Variants in STAB2 observed in about 807,000 individuals in gnomAD.
STAB2 encodes stabilin 2, also known as stabilin-2.
Under a neutral mutation model 338.1 loss-of-function variants are expected in STAB2, and 288 were observed. The observed-to-expected ratio is 0.85, with a 90% CI of 0.77 to 0.94. The LOEUF is 0.94. STAB2 is among the 40% of genes least tolerant of loss of function. STAB2 has a pLI of 0.00. For synonymous variants in STAB2, 1,202 were observed against 1,193.3 expected (o/e 1.01, Z -0.15); for missense variants, 3,141 against 3,210.1 (o/e 0.98, Z 0.52).
chr12:103,669,671 A>C (rs1332394609), intron 21 of STAB2, 44 bp downstream of exon 21: 1 of 1,568,350 alleles, frequency 6.4e-7, no homozygotes, highest in South Asian at 1.1e-5. Flanking sequence ...ATCAAACAAT[A>C]ATTTTTAGAA....
intron 39 of STAB2, chr12:103,711,210 G>A (rs1481899261): frequency 2.0e-6 from 1 of 494,224 alleles, no homozygotes; most frequent in East Asian, 3.4e-5. Flanking sequence ...AGAATTCTGT[G>A]TTTTATTCAC....
At chr12:103,722,684 A>G (rs1880858157) in intron 44 of STAB2, among the ~76,000 whole-genome samples, 1 of 152,206 alleles carries the variant, frequency 6.6e-6, no homozygotes. Flanking sequence ...GAGTCAACTC[A>G]TGGTCAGTCT....
At chr12:103,605,847 A>G (rs1957020484) in intron 3 of STAB2, among the ~76,000 whole-genome samples, 1 of 151,982 alleles carries the variant, frequency 6.6e-6, no homozygotes, top group Admixed American at 6.5e-5. Context: ...ACATAATTGT[A>G]TATTTAAAAT....
intron 41 of STAB2, 63 bp from the exon 42 acceptor site, chr12:103,713,580 G>A (rs1481807786): frequency 1.3e-6 from 2 of 1,597,290 alleles, no homozygotes; most frequent in Non-Finnish European, 1.7e-6. Flanking sequence ...ATGACTTGAG[G>A]AAAAATACAT....
At chr12:103,721,698 C>T (rs966104556) in intron 44 of STAB2, among the ~76,000 whole-genome samples, 2 of 152,108 alleles carry the variant, frequency 1.3e-5, no homozygotes, top group East Asian at 1.9e-4. Flanking sequence ...AATAAGAAGT[C>T]GCTTGGGCCA....
chr12:103,754,407 C>T (rs936592644), intron 61 of STAB2, among the ~76,000 whole-genome samples: 28 of 152,126 alleles, frequency 1.8e-4, no homozygotes, highest in Admixed American at 2.6e-4. Context: ...GAGCAAGTTA[C>T]TTCTCTTTGC....
intron 56 of STAB2, among the ~76,000 whole-genome samples, chr12:103,744,317 A>AT (rs967793356): frequency 4.0e-5 from 6 of 151,872 alleles, no homozygotes; most frequent in Admixed American, 2.6e-4. Flanking sequence ...ATAATTTTTT[A>AT]TTTTTTAAAT....
At chr12:103,668,778 G>C in intron 20 of STAB2, 49 bp downstream of exon 20, 2 of 1,474,422 alleles carry the variant, frequency 1.4e-6, no homozygotes, top group South Asian at 1.3e-5. Flanking sequence ...GGGCCAGGCA[G>C]CTCCAGGGCC....
At chr12:103,734,377 A>G (rs1472058664) in intron 51 of STAB2, among the ~76,000 whole-genome samples, 1 of 151,214 alleles carries the variant, frequency 6.6e-6, no homozygotes, top group Non-Finnish European at 1.5e-5. Context: ...AAGAGCGATC[A>G]TATAGGAGCA....
At chr12:103,740,336 C>T (rs756094400) in intron 54 of STAB2, among the ~76,000 whole-genome samples, 1 of 152,138 alleles carries the variant, frequency 6.6e-6, no homozygotes, top group Non-Finnish European at 1.5e-5. Flanking sequence ...CTTCCCACTC[C>T]CTCCCCAGGC....
intron 27 of STAB2, among the ~76,000 whole-genome samples, chr12:103,687,137 G>A (rs185295765): frequency 6.6e-6 from 1 of 151,982 alleles, no homozygotes; most frequent in Non-Finnish European, 1.5e-5. Flanking sequence ...GTATTCAGTA[G>A]TTTAAAAAAT....
chr12:103,616,449 G>A (rs1180243624), intron 3 of STAB2, among the ~76,000 whole-genome samples: 2 of 152,244 alleles, frequency 1.3e-5, no homozygotes, highest in African/African-American at 4.8e-5. Context: ...TGGAAAGAGT[G>A]CAAGATGGGG....
intron 67 of STAB2, among the ~76,000 whole-genome samples, chr12:103,762,642 G>A (rs1884624533): frequency 6.6e-6 from 1 of 152,200 alleles, no homozygotes; most frequent in South Asian, 2.1e-4. Flanking sequence ...GCTTGGCAAG[G>A]AGAGAACCCA....
chr12:103,607,323 G>C, intron 3 of STAB2, among the ~76,000 whole-genome samples: 1 of 151,424 alleles, frequency 6.6e-6, no homozygotes, highest in East Asian at 1.9e-4. Flanking sequence ...CTCACTGATG[G>C]TCTGCTCATT....
chr12:103,717,863 A>C, intron 44 of STAB2, 22 bp downstream of exon 44: 1 of 1,613,532 alleles, frequency 6.2e-7, no homozygotes, highest in Non-Finnish European at 8.5e-7. Flanking sequence ...TCTAGGGTGG[A>C]TATCCTTCAA....
At chr12:103,683,953 G>T (rs548699701) in intron 26 of STAB2, among the ~76,000 whole-genome samples, 1 of 152,238 alleles carries the variant, frequency 6.6e-6, no homozygotes, top group East Asian at 1.9e-4. Flanking sequence ...TTGCTGGGAG[G>T]ACCCCCAGGG....
At chr12:103,746,355 A>AT (rs146835192) in intron 57 of STAB2, 1 of 364,898 alleles carries the variant, frequency 2.7e-6, no homozygotes, top group Non-Finnish European at 5.1e-6. Flanking sequence ...CCTAAAGAAC[A>AT]TTTTTTCTCA....
At chr12:103,736,422 T>C (rs1328259690) in intron 52 of STAB2, among the ~76,000 whole-genome samples, 1 of 152,228 alleles carries the variant, frequency 6.6e-6, no homozygotes, top group Admixed American at 6.5e-5. Context: ...CCCTTTGGTA[T>C]TTGAATTAGA....
At chr12:103,634,190 C>A (rs373629421) in intron 6 of STAB2, among the ~76,000 whole-genome samples, 1 of 151,832 alleles carries the variant, frequency 6.6e-6, no homozygotes, top group African/African-American at 2.4e-5. Flanking sequence ...TAAAATTGTG[C>A]GCCAAGGTGT....
Sources: gnomAD v4.1 joint callset for allele counts (sites outside exome capture counted in the v4.1 genomes callset) on GRCh38, gnomAD v4.1.1 for gene constraint, MANE v1.5 for transcripts, NCBI Gene and HGNC (gene_info 2026-07-23, HGNC 2026-07-21) for gene names.